Variants in TUBGCP3 observed in about 807,000 individuals in gnomAD.
The protein encoded by TUBGCP3 is tubulin gamma complex component 3, also known as gamma-tubulin complex component 3.
A neutral mutation model predicts 123.1 loss-of-function variants in TUBGCP3; 50 were observed. The ratio of observed to expected loss-of-function variants is 0.41; its 90% confidence interval spans 0.32 to 0.51. The LOEUF (loss-of-function observed/expected upper bound fraction) is 0.51. Among genes scored for constraint, TUBGCP3 ranks in the 20% least tolerant of loss-of-function variants. TUBGCP3 has a pLI of 0.36. For missense variants in TUBGCP3, 882 were observed against 1,127.0 expected (o/e 0.78, Z 3.11); for synonymous variants, 405 against 413.9 (o/e 0.98, Z 0.26).
intron 1 of TUBGCP3, among the ~76,000 whole-genome samples, chr13:112,569,497 T>G (rs1881234846): frequency 6.6e-6 from 1 of 151,754 alleles, no homozygotes; most frequent in Admixed American, 6.6e-5. Flanking sequence ...AAATCCTAGA[T>G]GACAAAAAAC....
chr13:112,546,086 C>T (rs532570888), intron 10 of TUBGCP3: 1 of 498,816 alleles, frequency 2.0e-6, no homozygotes, highest in African/African-American at 1.9e-5. Flanking sequence ...GTGTGTGAGT[C>T]ACTCTTCTCT....
At chr13:112,530,802 C>A (rs1263250737) in intron 11 of TUBGCP3, among the ~76,000 whole-genome samples, 1 of 152,150 alleles carries the variant, frequency 6.6e-6, no homozygotes, top group African/African-American at 2.4e-5. Flanking sequence ...ACGATACACA[C>A]AAATACACAG....
intron 11 of TUBGCP3, among the ~76,000 whole-genome samples, chr13:112,535,725 G>GT (rs1877991440): frequency 6.6e-6 from 1 of 151,994 alleles, no homozygotes; most frequent in Non-Finnish European, 1.5e-5. Context: ...CCCACTCTGT[G>GT]TTTTTTTCAC....
intron 8 of TUBGCP3, among the ~76,000 whole-genome samples, chr13:112,548,957 C>T (rs1398468158): frequency 1.1e-4 from 17 of 152,190 alleles, no homozygotes; most frequent in Admixed American, 1.1e-3. Context: ...GCTAGAAATA[C>T]CATTTGACCC....
Position 112,554,186 on chromosome 13 carries a change from A to T in TUBGCP3, c.841-4T>A. On this transcript the variant is annotated splice_polypyrimidine_tract_variant and splice_region_variant and intron_variant, in intron 7 of 21. Coordinates refer to ENST00000261965, the MANE Select transcript of TUBGCP3 (RefSeq NM_006322.6). ...TCAAAGACCTACTTAGATTTGCCTA[A>T]AAAGTAAATACATCAAATGTTAAAC... 6.2e-7 allele frequency: 1 copy of T among 1,612,668 alleles called. No homozygotes were observed. Among genetic ancestry groups the T allele is most frequent in the East Asian group, 2.2e-5 (1 of 44,880 alleles).
chr13:112,557,764 A>G (rs951804815), intron 5 of TUBGCP3, among the ~76,000 whole-genome samples: 1 of 152,352 alleles, frequency 6.6e-6, no homozygotes, highest in South Asian at 2.1e-4. Flanking sequence ...TAAAGACCTC[A>G]GCACTCAAGG....
intron 8 of TUBGCP3, among the ~76,000 whole-genome samples, chr13:112,553,349 C>T (rs1274342443): frequency 1.3e-5 from 2 of 152,262 alleles, no homozygotes; most frequent in Admixed American, 1.3e-4. Flanking sequence ...CTACGCTGAG[C>T]TTATAGTACA....
chr13:112,575,865 C>G (rs1208060104), intron 1 of TUBGCP3, among the ~76,000 whole-genome samples: 2 of 152,206 alleles, frequency 1.3e-5, no homozygotes, highest in Non-Finnish European at 2.9e-5. Flanking sequence ...AGCCAAGGAG[C>G]ACCACAGTCA....
At chr13:112,580,056 G>C (rs2139320941) in intron 1 of TUBGCP3, among the ~76,000 whole-genome samples, 2 of 152,296 alleles carry the variant, frequency 1.3e-5, no homozygotes, top group Middle Eastern at 6.8e-3. Context: ...TATACTAAGT[G>C]AAAGAAACAA....
rs1879839335 is a variant in TUBGCP3, at chr13:112,554,262, A to G, written c.841-80T>C. ...ATTAGTATTTTTCTCAAGCACTTCT[A>G]CTTTTAATACTATAATCCTTAGGCT... On this transcript the variant is annotated intron_variant, in intron 7 of 21. Transcript: ENST00000261965. 4 of 1,487,440 alleles carry G rather than the reference A, an allele frequency of 2.7e-6. No individual in the cohort carries two copies. In the Admixed American group the frequency reaches 7.7e-5, roughly 28 times the overall value. 92.1% of individuals were successfully genotyped at this position (1,487,440 alleles called of 1,614,324 possible).
chr13:112,518,453 A>G (rs545971809), intron 16 of TUBGCP3, among the ~76,000 whole-genome samples: 86 of 152,212 alleles, frequency 5.7e-4, no homozygotes, highest in Non-Finnish European at 9.7e-4. Context: ...AATGCGCACT[A>G]AAAAGAGGCA....
At chr13:112,520,771 G>A (rs1016211933) in intron 14 of TUBGCP3, among the ~76,000 whole-genome samples, 1 of 152,150 alleles carries the variant, frequency 6.6e-6, no homozygotes, top group Non-Finnish European at 1.5e-5. Context: ...AGCATTTCTT[G>A]AGGGTTACTG....
intron 16 of TUBGCP3, among the ~76,000 whole-genome samples, chr13:112,518,573 G>A (rs1876353984): frequency 1.3e-5 from 2 of 152,086 alleles, no homozygotes; most frequent in African/African-American, 2.4e-5. Context: ...CTTCCTCATC[G>A]GTTTAAATGA....
At chr13:112,550,392 C>T (rs1313608277) in intron 8 of TUBGCP3, among the ~76,000 whole-genome samples, 6 of 152,032 alleles carry the variant, frequency 3.9e-5, no homozygotes, top group Non-Finnish European at 8.8e-5. Flanking sequence ...CAAATGTGAA[C>T]ATTTTCAAGT....
Position 112,485,311 on chromosome 13 carries a change from G to C in TUBGCP3, c.*682C>G, listed in dbSNP as rs1214626024. The C allele has an allele frequency of 6.6e-6, 1 of 152,618 alleles. No homozygotes were observed. Among genetic ancestry groups the C allele is most frequent in the African/African-American group, 2.4e-5 (1 of 41,498 alleles). The allele number at this position is 152,618 out of a possible 1,614,324, so 9.5% of individuals were successfully genotyped here. A position where few individuals can be genotyped will look rare whatever the true frequency, so the allele number is the denominator to read the frequency against. ...GCATTCGCGGTATTTGGGTTGCACT[G>C]TATAAGAGTATTTTTGTTCTCTATC... On this transcript the variant is annotated 3_prime_UTR_variant, in exon 22 of 22. Coordinates refer to ENST00000261965, the MANE Select transcript of TUBGCP3 (RefSeq NM_006322.6).
intron 20 of TUBGCP3, among the ~76,000 whole-genome samples, chr13:112,496,023 A>G (rs1880505425): frequency 6.6e-6 from 1 of 152,216 alleles, no homozygotes; most frequent in Non-Finnish European, 1.5e-5. Flanking sequence ...TTTCAAAACT[A>G]TACTGTTCCC....
At position 112,573,319 on chromosome 13, in the gene TUBGCP3, AAG is replaced by A. The variant is rs150462676; in HGVS notation, c.77-4062_77-4061del. ...AGAAAGCTTGTATTTAAAGTTGAAG[AAG>A]TCTCTCAAAAACTAAAACAAAAAGG... On this transcript the variant is annotated intron_variant, in intron 1 of 21. Transcript: ENST00000261965. Among the ~76,000 whole-genome samples, 13 of 152,200 alleles carry A rather than the reference AAG, an allele frequency of 8.5e-5. No individual in the cohort carries two copies. In the East Asian group the frequency reaches 2.5e-3, roughly 29 times the overall value.
intron 1 of TUBGCP3, among the ~76,000 whole-genome samples, chr13:112,574,258 G>A (rs1374330962): frequency 1.4e-5 from 2 of 143,788 alleles, no homozygotes; most frequent in African/African-American, 5.3e-5. Context: ...GGCACTCCAC[G>A]CTCACAGTGT....
At chr13:112,491,948 G>C (rs967200551) in intron 20 of TUBGCP3, among the ~76,000 whole-genome samples, 2 of 152,186 alleles carry the variant, frequency 1.3e-5, no homozygotes, top group Non-Finnish European at 2.9e-5. Flanking sequence ...TTGATGTGAT[G>C]TACATCTGCT....
Sources: gnomAD v4.1 joint callset for allele counts (sites outside exome capture counted in the v4.1 genomes callset) on GRCh38, gnomAD v4.1.1 for gene constraint, MANE v1.5 for transcripts, NCBI Gene and HGNC (gene_info 2026-07-23, HGNC 2026-07-21) for gene names.